MSR1: variants seen among roughly 807,000 people sequenced by gnomAD.
The protein encoded by MSR1 is macrophage scavenger receptor types I and II.
In MSR1, 53 loss-of-function variants were observed where a neutral mutation model predicts 47.2. The ratio of observed to expected loss-of-function variants is 1.12; its 90% CI spans 0.90 to 1.41. MSR1 has a LOEUF of 1.41. Ranked by LOEUF, MSR1 falls within the 40% of genes most tolerant of loss-of-function variation. The pLI, the probability that MSR1 is intolerant of heterozygous loss-of-function variation, is 0.00. For synonymous variants in MSR1, 239 were observed against 185.6 expected (o/e 1.29, Z -2.34); for missense variants, 786 against 546.9 (o/e 1.44, Z -4.36).
intron 1 of MSR1, among the ~76,000 whole-genome samples, chr8:16,189,846 T>C (rs191513241): frequency 6.8e-6 from 1 of 146,574 alleles, no homozygotes; most frequent in South Asian, 2.1e-4. Flanking sequence ...ATTTTTTCTT[T>C]TAAACTTTTT....
At chr8:16,191,698 T>A (rs1320930042) in intron 1 of MSR1, among the ~76,000 whole-genome samples, 1 of 152,120 alleles carries the variant, frequency 6.6e-6, no homozygotes, top group Non-Finnish European at 1.5e-5. Context: ...TCCCAGAAGA[T>A]TAGCTCTTAC....
intron 1 of MSR1, among the ~76,000 whole-genome samples, chr8:16,182,772 T>C (rs1801872896): frequency 6.6e-6 from 1 of 152,148 alleles, no homozygotes; most frequent in East Asian, 1.9e-4. Context: ...GAATACCTCC[T>C]AAAGGACATA....
At chr8:16,142,758 T>A (rs1485024912) in intron 8 of MSR1, among the ~76,000 whole-genome samples, 2 of 152,124 alleles carry the variant, frequency 1.3e-5, no homozygotes, top group African/African-American at 4.8e-5. Flanking sequence ...TTAAATATGA[T>A]CACCCTGTTT....
intron 8 of MSR1, among the ~76,000 whole-genome samples, chr8:16,133,561 C>G (rs180898119): frequency 2.0e-5 from 3 of 152,216 alleles, no homozygotes; most frequent in Admixed American, 6.5e-5. Flanking sequence ...CCTAGGTTAC[C>G]ATTCTTTGGC....
chr8:16,112,804 T>A (rs187586419), intron 9 of MSR1, among the ~76,000 whole-genome samples: 1 of 151,982 alleles, frequency 6.6e-6, no homozygotes, highest in Non-Finnish European at 1.5e-5. Context: ...TTCTTAGATA[T>A]GTTTTTAATC....
intron 9 of MSR1, among the ~76,000 whole-genome samples, chr8:16,112,989 C>T (rs112610538): frequency 3.7e-5 from 5 of 136,586 alleles, no homozygotes; most frequent in Non-Finnish European, 7.6e-5. Context: ...CTCCCTCTAT[C>T]GCCCAGGCTG....
At chr8:16,154,991 T>C in intron 6 of MSR1, 73 bp downstream of exon 6, 1 of 1,260,728 alleles carries the variant, frequency 7.9e-7, no homozygotes, top group Non-Finnish European at 1.2e-6. Flanking sequence ...ATAGCAATCC[T>C]CCCCTACACA....
chr8:16,116,340 ACTC>A (rs1165559338), intron 9 of MSR1, among the ~76,000 whole-genome samples: 1 of 152,116 alleles, frequency 6.6e-6, no homozygotes, highest in Non-Finnish European at 1.5e-5. Context: ...AAGTTAGAAA[ACTC>A]CTAATCTTTC....
intron 9 of MSR1, 34 bp downstream of exon 9, chr8:16,120,383 CA>C (rs1200557969): frequency 1.2e-6 from 2 of 1,610,286 alleles, no homozygotes; most frequent in African/African-American, 2.7e-5. Context: ...TCTGAAACAA[CA>C]ACAACAAACC....
At chr8:16,127,027 T>A (rs987337855) in intron 8 of MSR1, among the ~76,000 whole-genome samples, 1 of 152,160 alleles carries the variant, frequency 6.6e-6, no homozygotes, top group Admixed American at 6.5e-5. Context: ...GATACTATTA[T>A]TTCTTAAAAA....
chr8:16,136,574 C>G lies in MSR1; in HGVS notation c.1033+6984G>C, dbSNP rs1205729480. On this transcript the variant is annotated intron_variant, in intron 8 of 9. Coordinates refer to ENST00000262101, the MANE Select transcript of MSR1 (RefSeq NM_138715.3). ...AGTATGCCTGTATTAGCTATACACT[C>G]TATTAAGGAACACATCTATTGTGTT... Among the ~76,000 whole-genome samples, 4 of 152,122 alleles carry G rather than the reference C, an allele frequency of 2.6e-5. No homozygotes were observed. In the East Asian group the frequency reaches 7.7e-4, roughly 29 times the overall value.
chr8:16,175,141 A>G (rs547036134), intron 3 of MSR1, 46 bp downstream of exon 3: 111 of 1,502,158 alleles, frequency 7.4e-5, no homozygotes, highest in Admixed American at 1.3e-4. Flanking sequence ...GCAATGAATA[A>G]TTCACGGGAC....
At position 16,139,773 on chromosome 8, in the gene MSR1, AAATATATAT is replaced by A. The variant is rs1563147992; in HGVS notation, c.1033+3776_1033+3784del. ...AAAAAAAAAAAAAAAAAAAAAAAAAAAATATATATATATATATATATATATATATATATA... is the reference window on the plus strand; with the variant it reads ...AAAAAAAAAAAAAAAAAAAAAAAAAAATATATATATATATATATATATATA... On this transcript the variant is annotated intron_variant, in intron 8 of 9. Coordinates refer to ENST00000262101, the MANE Select transcript of MSR1 (RefSeq NM_138715.3). 3 of 27,308 alleles carry A rather than the reference AAATATATAT, an allele frequency of 1.1e-4. 1 individual carries two copies. Among genetic ancestry groups the A allele is most frequent in the Non-Finnish European group, 1.9e-4 (3 of 16,058 alleles). 1.7% of individuals were successfully genotyped at this position (27,308 alleles called of 1,614,324 possible).
In MSR1 at chr8:16,155,153, A is replaced by G; in HGVS notation, c.818-9T>C. ...CGGGGGTCCAGGAGGACCTTTAAAA[A>G]AATTACAGTTACTGATCATAGTTGT... is the stretch of plus-strand genomic sequence containing the variant. On this transcript the variant is annotated splice_polypyrimidine_tract_variant and intron_variant, in intron 5 of 9. Transcript: ENST00000262101. The G allele has an allele frequency of 1.9e-6, 3 of 1,605,312 alleles. No homozygotes were observed. Among genetic ancestry groups the G allele is most frequent in the Non-Finnish European group, 2.6e-6 (3 of 1,173,034 alleles).
chr8:16,154,256 A>G (rs937914826), intron 6 of MSR1, among the ~76,000 whole-genome samples: 1 of 152,014 alleles, frequency 6.6e-6, no homozygotes, highest in African/African-American at 2.4e-5. Flanking sequence ...AACACAAACC[A>G]TTCTACTTAT....
chr8:16,128,803 C>T (rs557697168), intron 8 of MSR1, among the ~76,000 whole-genome samples: 9 of 151,932 alleles, frequency 5.9e-5, no homozygotes, highest in African/African-American at 2.2e-4. Flanking sequence ...GTCCCTAAAA[C>T]ACCTACTTTA....
At position 16,125,380 on chromosome 8, in the gene MSR1, T is replaced by C. The variant is rs149451231; in HGVS notation, c.1034-4774A>G. ...ACAAAGAGACTTAGCAGTGAGATTT[T>C]GCTTCTGGGATGGCCAATGATCTTT... On this transcript the variant is annotated intron_variant, in intron 8 of 9. Coordinates refer to ENST00000262101, the MANE Select transcript of MSR1 (RefSeq NM_138715.3). Among the ~76,000 whole-genome samples, 171 of 152,296 alleles carry C rather than the reference T, an allele frequency of 1.1e-3. 1 individual carries two copies. The highest frequency in any genetic ancestry group is 4.0e-3 in the African/African-American group (165 of 41,586).
chr8:16,139,416 T>A, intron 8 of MSR1: 1 of 948,236 alleles, frequency 1.1e-6, no homozygotes, highest in Non-Finnish European at 1.3e-6. Context: ...TGTTAACATG[T>A]TCATTATACA....
At chr8:16,154,530 T>C (rs1800945771) in intron 6 of MSR1, among the ~76,000 whole-genome samples, 1 of 152,000 alleles carries the variant, frequency 6.6e-6, no homozygotes, top group Admixed American at 6.6e-5. Context: ...TTAGCCAATA[T>C]TTACATTCAG....
Sources: allele counts gnomAD v4.1 joint callset (sites outside exome capture counted in the v4.1 genomes callset), GRCh38; gene constraint gnomAD v4.1.1; transcripts MANE v1.5; gene names NCBI Gene and HGNC (gene_info 2026-07-23, HGNC 2026-07-21).